The following NELL1 variants were observed in gnomAD, a reference collection of about 807,000 sequenced individuals.
The protein encoded by NELL1 is neural EGFL like 1.
In NELL1, 76 loss-of-function variants were observed where a neutral mutation model predicts 107.4. That is an observed-to-expected ratio of 0.71 (90% CI 0.59 to 0.86). The LOEUF is 0.86. Among genes scored for constraint, NELL1 ranks in the 40% least tolerant of loss-of-function variants. The pLI, the probability that NELL1 is intolerant of heterozygous loss-of-function variation, is 0.00. For missense variants in NELL1, 1,024 were observed against 1,005.5 expected, an observed-to-expected ratio of 1.02 and a Z score of -0.25; for synonymous variants, 353 against 341.2, an observed-to-expected ratio of 1.03 and a Z score of -0.38.
chr11:21,259,147 G>A lies in NELL1; in HGVS notation c.1549+29693G>A, dbSNP rs566220019. On this transcript the variant is annotated intron_variant, in intron 14 of 19. Transcript: ENST00000357134. ...GGTAACACCTAAAAACACTTGTTGG[G>A]CATTTATTGTATAAGAAATACTGTA... Among the ~76,000 whole-genome samples the A allele has an allele frequency of 3.4e-3, 520 of 151,954 alleles. 3 individuals carry two copies. The highest frequency in any genetic ancestry group is 0.012 in the African/African-American group (494 of 41,480).
chr11:21,268,356 A>T (rs12276433), intron 14 of NELL1, among the ~76,000 whole-genome samples: 1 of 152,072 alleles, frequency 6.6e-6, no homozygotes, highest in Non-Finnish European at 1.5e-5. Flanking sequence ...AGAAGAAACC[A>T]TGTGGACATA....
At chr11:20,774,233 C>A (rs1478559619) in intron 2 of NELL1, among the ~76,000 whole-genome samples, 1 of 117,006 alleles carries the variant, frequency 8.5e-6, no homozygotes, top group Non-Finnish European at 1.7e-5. Context: ...TCCCTTCCTT[C>A]CTTCCTTTCC....
chr11:21,295,658 G>T (rs1039339509), intron 14 of NELL1, among the ~76,000 whole-genome samples: 4 of 152,016 alleles, frequency 2.6e-5, no homozygotes, highest in Non-Finnish European at 4.4e-5. Flanking sequence ...GCAGGAAGCT[G>T]ATTAAGGAGC....
chr11:20,865,864 C>T (rs774823618), intron 4 of NELL1, among the ~76,000 whole-genome samples: 10 of 152,174 alleles, frequency 6.6e-5, no homozygotes, highest in Non-Finnish European at 8.8e-5. Context: ...GACCAAAGTA[C>T]AGTATACTGA....
intron 14 of NELL1, among the ~76,000 whole-genome samples, chr11:21,231,596 C>T (rs1242251633): frequency 2.0e-5 from 3 of 152,050 alleles, no homozygotes; most frequent in Non-Finnish European, 4.4e-5. Context: ...ATTATGTTAC[C>T]TCATAAAATA....
At chr11:21,180,181 TTATA>T (rs1310577305) in intron 13 of NELL1, among the ~76,000 whole-genome samples, 1 of 151,736 alleles carries the variant, frequency 6.6e-6, no homozygotes, top group Non-Finnish European at 1.5e-5. Context: ...TTTGCTGTTC[TTATA>T]TAATTAAATT....
At position 21,277,362 on chromosome 11, in the gene NELL1, C is replaced by A. The variant is rs566585669; in HGVS notation, c.1549+47908C>A. 2.6e-3 allele frequency among the ~76,000 whole-genome samples: 396 copies of A among 151,826 alleles called. 1 individual carries two copies. Among genetic ancestry groups the A allele is most frequent in the African/African-American group, 9.1e-3 (378 of 41,442 alleles). On this transcript the variant is annotated intron_variant, in intron 14 of 19. Coordinates refer to ENST00000357134, the MANE Select transcript of NELL1 (RefSeq NM_006157.5). ...AACTACAATGAGATACCATCTCACA[C>A]CAGCTAGAATGGCAATCATTAAAAA...
At chr11:20,708,483 A>AT (rs552133867) in intron 2 of NELL1, among the ~76,000 whole-genome samples, 33 of 147,888 alleles carry the variant, frequency 2.2e-4, no homozygotes, top group East Asian at 4.0e-4. Flanking sequence ...CTCCCTGAAC[A>AT]TTTTTTTTTT....
intron 15 of NELL1, among the ~76,000 whole-genome samples, chr11:21,511,385 A>G (rs1212535148): frequency 6.6e-6 from 1 of 152,140 alleles, no homozygotes; most frequent in African/African-American, 2.4e-5. Flanking sequence ...GCTCCAGAGA[A>G]GCGCCCTCCA....
intron 13 of NELL1, among the ~76,000 whole-genome samples, chr11:21,199,272 A>G (rs1201198896): frequency 2.0e-5 from 3 of 152,208 alleles, no homozygotes; most frequent in Non-Finnish European, 4.4e-5. Flanking sequence ...CTGTAGGTAG[A>G]CTCTGTTAGC....
At chr11:21,105,537 G>A (rs1463450802) in intron 12 of NELL1, among the ~76,000 whole-genome samples, 4 of 152,162 alleles carry the variant, frequency 2.6e-5, no homozygotes, top group Non-Finnish European at 4.4e-5. Flanking sequence ...GAGCCACCAT[G>A]TTGGACATGC....
chr11:20,734,000 T>G (rs1183407323), intron 2 of NELL1, among the ~76,000 whole-genome samples: 4 of 149,760 alleles, frequency 2.7e-5, no homozygotes, highest in African/African-American at 1.0e-4. Flanking sequence ...GATAGGGATG[T>G]TTTTAGATGA....
intron 2 of NELL1, among the ~76,000 whole-genome samples, chr11:20,725,210 G>A (rs1439690986): frequency 6.6e-6 from 1 of 152,190 alleles, no homozygotes; most frequent in Non-Finnish European, 1.5e-5. Context: ...AGTAAGGGAG[G>A]AAGGGAGAAA....
chr11:21,486,030 G>C (rs1356641694), intron 15 of NELL1, among the ~76,000 whole-genome samples: 1 of 152,034 alleles, frequency 6.6e-6, no homozygotes, highest in Non-Finnish European at 1.5e-5. Flanking sequence ...GGACCACTGG[G>C]GTTCCGGTGG....
chr11:21,328,001 G>A (rs564046204), intron 14 of NELL1, among the ~76,000 whole-genome samples: 2 of 152,246 alleles, frequency 1.3e-5, no homozygotes, highest in Admixed American at 6.5e-5. Flanking sequence ...ACAATGTGAT[G>A]ATGTGTTAGA....
intron 12 of NELL1, among the ~76,000 whole-genome samples, chr11:20,989,530 T>C (rs927671129): frequency 8.5e-5 from 13 of 152,216 alleles, no homozygotes; most frequent in Non-Finnish European, 1.5e-5. Context: ...TTGACCTCAT[T>C]TCATACTTGA....
At position 21,560,500 on chromosome 11, in the gene NELL1, C is replaced by T. The variant is rs936002909; in HGVS notation, c.1980+118C>T. 3.6e-6 allele frequency: 3 copies of T among 839,952 alleles called. No individual in the cohort carries two copies. In the African/African-American group the frequency reaches 5.2e-5, roughly 15 times the overall value. 52.0% of individuals were successfully genotyped at this position (839,952 alleles called of 1,614,324 possible). ...ACTGTAGTTCCTGAACAGGCTTCTC[C>T]TGTTCTTATCTACATTACAGCTAAT... On this transcript the variant is annotated intron_variant, in intron 17 of 19. Transcript: ENST00000357134.
At chr11:21,279,624 GCA>G (rs1202926010) in intron 14 of NELL1, among the ~76,000 whole-genome samples, 1 of 152,172 alleles carries the variant, frequency 6.6e-6, no homozygotes, top group Non-Finnish European at 1.5e-5. Context: ...AGGTTATGAA[GCA>G]CCAGGAACTC....
intron 14 of NELL1, among the ~76,000 whole-genome samples, chr11:21,272,117 A>G (rs1042993675): frequency 1.3e-5 from 2 of 152,222 alleles, no homozygotes; most frequent in African/African-American, 4.8e-5. Flanking sequence ...CGCCTCACCC[A>G]GGAAGCGCAA....
Sources: allele counts gnomAD v4.1 joint callset (sites outside exome capture counted in the v4.1 genomes callset), GRCh38; gene constraint gnomAD v4.1.1; transcripts MANE v1.5; gene names NCBI Gene and HGNC (gene_info 2026-07-23, HGNC 2026-07-21).